PCDHGB1: variants seen among roughly 807,000 people sequenced by gnomAD.
PCDHGB1 encodes the protein protocadherin gamma subfamily B, 1.
Under a neutral mutation model 56.6 loss-of-function variants are expected in PCDHGB1, and 34 were observed. The ratio of observed to expected loss-of-function variants is 0.60; its 90% CI spans 0.46 to 0.80. PCDHGB1 has a LOEUF of 0.80. Ranked by LOEUF, PCDHGB1 falls within the 30% of genes least tolerant of loss-of-function variation. The probability of loss-of-function intolerance (pLI) is 0.00; values close to 1 mark genes in which losing one functional copy is unlikely to be tolerated. For synonymous variants in PCDHGB1, 561 were observed against 505.9 expected (o/e 1.11, Z -1.46); for missense variants, 1,278 against 1,204.6 (o/e 1.06, Z -0.90).
intron 1 of PCDHGB1, among the ~76,000 whole-genome samples, chr5:141,483,658 G>C (rs906346163): frequency 1.4e-4 from 22 of 152,028 alleles, no homozygotes; most frequent in Non-Finnish European, 2.4e-4. Context: ...TTGTGTGTGT[G>C]TGTGTGTGTG....
At chr5:141,403,746 C>T (rs773668506) in intron 1 of PCDHGB1, 1 of 1,613,904 alleles carries the variant, frequency 6.2e-7, no homozygotes, top group South Asian at 1.1e-5. Context: ...CTTACTGCAA[C>T]AGCCAGCGAC....
chr5:141,502,634 T>C (rs1306951640), intron 2 of PCDHGB1, among the ~76,000 whole-genome samples: 1 of 152,228 alleles, frequency 6.6e-6, no homozygotes. Flanking sequence ...CTGTGGATGA[T>C]ACTTTGAGAT....
At chr5:141,500,959 C>T (rs2099804326) in intron 2 of PCDHGB1, among the ~76,000 whole-genome samples, 1 of 152,022 alleles carries the variant, frequency 6.6e-6, no homozygotes, top group South Asian at 2.1e-4. Flanking sequence ...AGCTCCACCT[C>T]CTGGGTTCAA....
At position 141,486,250 on chromosome 5, in the gene PCDHGB1, C is replaced by T; in HGVS notation, c.2410-8557C>T. 1 of 1,614,140 alleles carries T rather than the reference C, an allele frequency of 6.2e-7. No homozygotes were observed. The highest frequency in any genetic ancestry group is 2.2e-5 in the East Asian group (1 of 44,872). On this transcript the variant is annotated intron_variant, in intron 1 of 3. Coordinates refer to ENST00000523390, the MANE Select transcript of PCDHGB1 (RefSeq NM_018922.3). The surrounding 1 kb of genome is among the most constrained non-coding windows in gnomAD (Gnocchi z 5.0). ...CAGTGACCTCAGAGCTTGGAACCCT[C>T]CCCGAGAGTGCAGAACCTGGCACTG...
At chr5:141,461,826 T>G (rs1466528519) in intron 1 of PCDHGB1, among the ~76,000 whole-genome samples, 2 of 151,912 alleles carry the variant, frequency 1.3e-5, no homozygotes, top group Non-Finnish European at 1.5e-5. Flanking sequence ...GCTAATTTTT[T>G]TTTCTTTTTT....
chr5:141,472,579 G>T (rs1172183592), intron 1 of PCDHGB1, among the ~76,000 whole-genome samples: 3 of 151,928 alleles, frequency 2.0e-5, no homozygotes, highest in Non-Finnish European at 4.4e-5. Context: ...GCATCTCATT[G>T]GTCAGAAGCT....
chr5:141,389,704 TG>T (rs1341184136), intron 1 of PCDHGB1: 5 of 1,612,632 alleles, frequency 3.1e-6, no homozygotes, highest in Admixed American at 3.3e-5. Context: ...TACCACGTGC[TG>T]CAGGCTAGCG....
Position 141,423,691 on chromosome 5 carries a change from T to C in PCDHGB1, c.2409+71022T>C. On this transcript the variant is annotated intron_variant, in intron 1 of 3. Coordinates refer to ENST00000523390, the MANE Select transcript of PCDHGB1 (RefSeq NM_018922.3). Reference sequence around the variant, plus strand: ...ATTTATTTCTCTGCCTCCTAATTGTTGGTGTCTTGGCACAAGTCTTTTAAG... The same window carrying C: ...ATTTATTTCTCTGCCTCCTAATTGTCGGTGTCTTGGCACAAGTCTTTTAAG... 5 of 1,506,830 alleles carry C rather than the reference T, an allele frequency of 3.3e-6. No individual in the cohort carries two copies. The South Asian group carries it at 6.9e-5, about 21-fold the overall frequency. 93.3% of individuals were successfully genotyped at this position (1,506,830 alleles called of 1,614,324 possible).
rs778744503 is a variant in PCDHGB1, at chr5:141,511,152, G to C, written c.2763G>C (p.Ser921=). 2 of 1,614,140 alleles carry C rather than the reference G, an allele frequency of 1.2e-6. No individual in the cohort carries two copies. Among genetic ancestry groups the C allele is most frequent in the South Asian group, 2.2e-5 (2 of 91,086 alleles). The change falls in exon 4 of 4, where the codon TCG becomes TCC. Residue 921 remains serine, a synonymous_variant. Coordinates refer to ENST00000523390, the MANE Select transcript of PCDHGB1 (RefSeq NM_018922.3). ...PAGGNGNKKK[S]GKKEKK ...GTGGCAATGGCAACAAGAAGAAGTC[G>C]GGCAAGAAGGAGAAGAAGTAACATG...
In PCDHGB1 at chr5:141,402,929, A is replaced by G. The variant is rs751760276; in HGVS notation, c.2409+50260A>G. 12 of 1,583,076 alleles carry G rather than the reference A, an allele frequency of 7.6e-6. No individual in the cohort carries two copies. In the South Asian group the frequency reaches 1.3e-4, roughly 17 times the overall value. On this transcript the variant is annotated intron_variant, in intron 1 of 3. Coordinates refer to ENST00000523390, the MANE Select transcript of PCDHGB1 (RefSeq NM_018922.3). ...AGCAGCGCGCACAGAGATCCTTTTG[A>G]GAAAATTCCAAAGCGAGGCAGCAAT...
chr5:141,398,469 G>A (rs1490431965), intron 1 of PCDHGB1: 1 of 1,604,084 alleles, frequency 6.2e-7, no homozygotes, highest in Admixed American at 1.7e-5. Context: ...AAAATCCACT[G>A]AACTTTTATC....
At chr5:141,460,231 G>A (rs911633731) in intron 1 of PCDHGB1, among the ~76,000 whole-genome samples, 3 of 152,028 alleles carry the variant, frequency 2.0e-5, no homozygotes, top group Non-Finnish European at 4.4e-5. Context: ...CTTTTGAAGA[G>A]CAGAAGATGT....
intron 1 of PCDHGB1, chr5:141,492,046 AC>A (rs955983612): frequency 2.0e-6 from 1 of 494,316 alleles, no homozygotes; most frequent in African/African-American, 2.0e-5. Context: ...TCACAGATCC[AC>A]CCCTGCAGCC....
chr5:141,508,979 G>A (rs1317798009), intron 3 of PCDHGB1, among the ~76,000 whole-genome samples: 1 of 152,110 alleles, frequency 6.6e-6, no homozygotes, highest in Non-Finnish European at 1.5e-5. Context: ...GCTGGGGGTG[G>A]GGGCCAGCTG....
chr5:141,394,748 C>G (rs960054108), intron 1 of PCDHGB1: 7 of 1,613,296 alleles, frequency 4.3e-6, no homozygotes, highest in Non-Finnish European at 5.9e-6. Flanking sequence ...TCGTGGTGGC[C>G]GTCCAGGACC....
In PCDHGB1 at chr5:141,491,534, G is replaced by A. The variant is rs376996144; in HGVS notation, c.2410-3273G>A. On this transcript the variant is annotated intron_variant, in intron 1 of 3. Coordinates refer to ENST00000523390, the MANE Select transcript of PCDHGB1 (RefSeq NM_018922.3). This position sits in a 1 kb window ranked among gnomAD's most constrained non-coding sequence, Gnocchi z 6.9. The stretch of plus-strand genomic sequence containing the variant: ...CTCAAGTACATGGAGGTGACGCTGC[G>A]GCCCACAGACTCGCAGAGCCACTGC... The A allele has an allele frequency of 6.2e-7, 1 of 1,614,030 alleles. No homozygotes were observed. The highest frequency in any genetic ancestry group is 8.5e-7 in the Non-Finnish European group (1 of 1,180,028).
Position 141,476,658 on chromosome 5 carries a change from C to A in PCDHGB1, c.2410-18149C>A, listed in dbSNP as rs182518072. On this transcript the variant is annotated intron_variant, in intron 1 of 3. Transcript: ENST00000523390. The surrounding 1 kb of genome is among the most constrained non-coding windows in gnomAD (Gnocchi z 7.6). ...GAGCTGAGCCGAAATGAATACTTTGCGCTTCGCGTGCAGACGCGGGAGGAC... is the reference window on the plus strand; with the variant it reads ...GAGCTGAGCCGAAATGAATACTTTGAGCTTCGCGTGCAGACGCGGGAGGAC... 2 of 1,614,244 alleles carry A rather than the reference C, an allele frequency of 1.2e-6. No homozygotes were observed. The highest frequency in any genetic ancestry group is 2.2e-5 in the East Asian group (1 of 44,878).
Position 141,490,027 on chromosome 5 carries a change from CG to C in PCDHGB1, c.2410-4779del. The C allele has an allele frequency of 6.2e-7, 1 of 1,614,214 alleles. No individual in the cohort carries two copies. Among genetic ancestry groups the C allele is most frequent in the Admixed American group, 1.7e-5 (1 of 60,032 alleles). On this transcript the variant is annotated intron_variant, in intron 1 of 3. Transcript: ENST00000523390. The surrounding 1 kb of genome is among the most constrained non-coding windows in gnomAD (Gnocchi z 5.4). Reference sequence around the variant, plus strand: ...TGCACCCATTGGTACTCTGCTGCTCCGCCTCAATGCCACTGATCCAGACGAG... The same window carrying C: ...TGCACCCATTGGTACTCTGCTGCTCCCCTCAATGCCACTGATCCAGACGAG...
intron 1 of PCDHGB1, chr5:141,414,615 G>A: frequency 6.2e-7 from 1 of 1,613,962 alleles, no homozygotes; most frequent in Non-Finnish European, 8.5e-7. Context: ...CAGTGACAGC[G>A]CTGGACCCGG....
Sources: gnomAD v4.1 joint callset for allele counts (sites outside exome capture counted in the v4.1 genomes callset) on GRCh38, gnomAD v4.1.1 for gene constraint, Gnocchi (gnomAD v3.1) non-coding constraint, MANE v1.5 for transcripts, NCBI Gene and HGNC (gene_info 2026-07-23, HGNC 2026-07-21) for gene names.